Variants in MS4A6A observed in about 807,000 individuals in gnomAD.
The protein encoded by MS4A6A is membrane spanning 4-domains A6A, also known as membrane-spanning 4-domains subfamily A member 6A.
MS4A6A carries 19 observed loss-of-function variants against 20.6 expected under a neutral mutation model. The ratio of observed to expected loss-of-function variants is 0.92; its 90% CI spans 0.64 to 1.36. The LOEUF is 1.36. Among genes scored for constraint, MS4A6A ranks in the 40% most tolerant of loss-of-function variants. MS4A6A has a pLI of 0.00. For synonymous variants in MS4A6A, 108 were observed against 105.0 expected (o/e 1.03, Z -0.17); for missense variants, 272 against 261.1 (o/e 1.04, Z -0.29).
intron 3 of MS4A6A, chr11:60,178,670 A>G (rs1856973770): frequency 7.0e-6 from 2 of 285,992 alleles, no homozygotes; most frequent in South Asian, 6.8e-5. Flanking sequence ...AAAAAAAAGT[A>G]GTAATTTTAC....
intron 1 of MS4A6A, chr11:60,182,651 T>G (rs1479880799): frequency 6.6e-6 from 1 of 152,658 alleles, no homozygotes; most frequent in Non-Finnish European, 1.5e-5. Context: ...TGGTATTTGT[T>G]GCTAAGCTCA....
chr11:60,182,917 C>G, intron 1 of MS4A6A, 61 bp downstream of exon 1: 1 of 1,070,342 alleles, frequency 9.3e-7, no homozygotes, highest in South Asian at 2.8e-5. Context: ...TTAAATTACT[C>G]CTCTAATGAG....
At chr11:60,181,399 T>G (rs1009459733) in intron 2 of MS4A6A, 182 bp downstream of exon 2, 3 of 640,194 alleles carry the variant, frequency 4.7e-6, no homozygotes, top group Non-Finnish European at 8.0e-6. Flanking sequence ...GAAAATATAT[T>G]TTTAAGACAA....
upstream of MS4A6A, chr11:60,183,097 T>C (rs1161342642): frequency 1.3e-6 from 2 of 1,522,420 alleles, no homozygotes; most frequent in Non-Finnish European, 1.8e-6. Context: ...AGCCCTTCCT[T>C]ATTCCAGTGT....
Position 60,179,929 on chromosome 11 carries a change from A to C in MS4A6A, c.184T>G (p.Leu62Val). Residue 62 changes from leucine (L) to valine (V), a missense_variant, in exon 3 of 6, where the codon TTG (leucine) becomes GTG (valine). By Grantham distance (32) the Leu-to-Val change is conservative (BLOSUM62 1). Transcript: ENST00000528851. ...GAAGCAGATGCCAAAATGATCCCCA[A>C]GCTCAATACCATCATGCCACACAAG... is the stretch of plus-strand genomic sequence containing the variant. ...QILCGMMVLS[L>V]GIILASASFS... is the part of the protein sequence containing the mutation. 1 of 1,614,148 alleles carries C rather than the reference A, an allele frequency of 6.2e-7. No individual in the cohort carries two copies. The highest frequency in any genetic ancestry group is 8.5e-7 in the Non-Finnish European group (1 of 1,180,022).
upstream of MS4A6A, chr11:60,183,134 A>G: frequency 6.5e-7 from 1 of 1,535,732 alleles, no homozygotes; most frequent in Non-Finnish European, 8.7e-7. Flanking sequence ...TGTGATACTC[A>G]CAGATTGTAG....
intron 4 of MS4A6A, among the ~76,000 whole-genome samples, chr11:60,177,598 A>G (rs910211584): frequency 3.3e-5 from 5 of 152,136 alleles, no homozygotes; most frequent in African/African-American, 1.2e-4. Flanking sequence ...TAGCCAATAC[A>G]AATGACTAAG....
intron 2 of MS4A6A, chr11:60,181,248 C>T: frequency 2.5e-6 from 1 of 404,556 alleles, no homozygotes; most frequent in Non-Finnish European, 4.7e-6. Flanking sequence ...ATTAAGCATG[C>T]AGTTGTGGAA....
intron 5 of MS4A6A, among the ~76,000 whole-genome samples, chr11:60,174,472 C>T (rs928072414): frequency 2.6e-5 from 4 of 151,994 alleles, no homozygotes; most frequent in Non-Finnish European, 5.9e-5. Context: ...ATTACGGCTG[C>T]CCGCCACCAC....
Position 60,181,870 on chromosome 11 carries a change from GT to G in MS4A6A, c.-14-130del, listed in dbSNP as rs1336656852. 4.6e-5 allele frequency: 40 copies of G among 864,006 alleles called. No homozygotes were observed. In the Admixed American group the frequency reaches 9.8e-4, roughly 21 times the overall value. 53.5% of individuals were successfully genotyped at this position (864,006 alleles called of 1,614,324 possible). A position where few individuals can be genotyped will look rare whatever the true frequency, so the allele number is the denominator to read the frequency against. ...TGTCCATTAGAGAAAGAAACTGATAGTATGGAACAGTGAAAACCACACAATC... is the reference window on the plus strand; with the variant it reads ...TGTCCATTAGAGAAAGAAACTGATAGATGGAACAGTGAAAACCACACAATC... On this transcript the variant is annotated intron_variant, in intron 1 of 5. Coordinates refer to ENST00000528851, the MANE Select transcript of MS4A6A (RefSeq NM_022349.4).
At chr11:60,181,850 A>AT in intron 1 of MS4A6A, 109 bp from the exon 2 acceptor site, 1 of 1,081,244 alleles carries the variant, frequency 9.2e-7, no homozygotes, top group Non-Finnish European at 1.4e-6. Flanking sequence ...TGGCCTGTCC[A>AT]TTAGAGAAAG....
chr11:60,178,109 G>A (rs1856939787), intron 4 of MS4A6A, 151 bp downstream of exon 4: 4 of 697,538 alleles, frequency 5.7e-6, no homozygotes, highest in Non-Finnish European at 1.0e-5. Context: ...CAAGGATACA[G>A]AGGATCCAGG....
intron 4 of MS4A6A, chr11:60,177,927 G>A (rs1856929883): frequency 1.3e-5 from 4 of 305,934 alleles, no homozygotes; most frequent in Non-Finnish European, 2.5e-5. Flanking sequence ...AACACTGTCA[G>A]CTTCCTTGCC....
At chr11:60,178,017 C>T (rs998882803) in intron 4 of MS4A6A, 14 of 469,870 alleles carry the variant, frequency 3.0e-5, no homozygotes, top group South Asian at 1.2e-4. Context: ...ATACATTCTT[C>T]GGCATGGGCA....
intron 4 of MS4A6A, chr11:60,177,204 C>T (rs1856887023): frequency 6.6e-6 from 1 of 152,136 alleles, no homozygotes; most frequent in South Asian, 2.1e-4. Context: ...TTAAATTAAA[C>T]AGCACAGATC....
At chr11:60,173,479 G>A (rs545052036) in intron 5 of MS4A6A, among the ~76,000 whole-genome samples, 12 of 152,214 alleles carry the variant, frequency 7.9e-5, no homozygotes, top group African/African-American at 2.2e-4. Flanking sequence ...CAGCAGCTCC[G>A]TTCCAGTCTC....
In MS4A6A at chr11:60,179,820, ACT is replaced by A. The variant is rs767248647; in HGVS notation, c.282+9_282+10del. The A allele has an allele frequency of 3.7e-6, 6 of 1,613,676 alleles. No individual in the cohort carries two copies. Among genetic ancestry groups the A allele is most frequent in the African/African-American group, 1.3e-5 (1 of 74,758 alleles). ...TTGCCCCATCCTGCCCTCCTCAGAA[ACT>A]CTACTCACAAAAAAGGGTCCTATGA... On this transcript the variant is annotated intron_variant, in intron 3 of 5. Transcript: ENST00000528851.
chr11:60,180,727 C>G, intron 2 of MS4A6A: 1 of 249,390 alleles, frequency 4.0e-6, no homozygotes, highest in Non-Finnish European at 8.0e-6. Flanking sequence ...GAGGCCATCC[C>G]CCTTAGCAGA....
In MS4A6A at chr11:60,174,249, C is replaced by T. The variant is rs1234208606; in HGVS notation, c.550-1120G>A. ...ACTTTGACCAGACCTTTCTATCTGT[C>T]CATCTTCCAGCTGAGTTCTTGGCTT... On this transcript the variant is annotated intron_variant, in intron 5 of 5. Coordinates refer to ENST00000528851, the MANE Select transcript of MS4A6A (RefSeq NM_022349.4). 2.6e-5 allele frequency among the ~76,000 whole-genome samples: 4 copies of T among 152,128 alleles called. No individual in the cohort carries two copies. The East Asian group carries it at 5.8e-4, about 22-fold the overall frequency.
Sources: allele counts gnomAD v4.1 joint callset (sites outside exome capture counted in the v4.1 genomes callset), GRCh38; gene constraint gnomAD v4.1.1; transcripts MANE v1.5; gene names NCBI Gene and HGNC (gene_info 2026-07-23, HGNC 2026-07-21).